The following GPC3 variants were observed in gnomAD, a reference collection of about 807,000 sequenced individuals.
GPC3 encodes glypican-3.
GPC3 carries 3 observed loss-of-function variants against 34.4 expected under a neutral mutation model. That is an observed-to-expected ratio of 0.09 (90% confidence interval 0.04 to 0.23). The LOEUF (loss-of-function observed/expected upper bound fraction) is 0.23. Among genes scored for constraint, GPC3 ranks in the 10% least tolerant of loss-of-function variants. GPC3 has a pLI of 1.00. For synonymous variants in GPC3, 177 were observed against 174.0 expected (o/e 1.02, Z -0.13); for missense variants, 351 against 445.6 (o/e 0.79, Z 1.91).
chrX:133,688,913 T>TTA (rs2071034820), intron 5 of GPC3, among the ~76,000 whole-genome samples: 1 of 111,501 alleles, frequency 9.0e-6, no homozygotes, highest in African/African-American at 3.3e-5. Flanking sequence ...GAACTTCATA[T>TTA]TATTAAAGGT....
At chrX:133,965,177 C>G (rs775954388) in intron 1 of GPC3, among the ~76,000 whole-genome samples, 1 of 109,608 alleles carries the variant, frequency 9.1e-6, no homozygotes, top group Non-Finnish European at 1.9e-5. Flanking sequence ...GTCACCCCCC[C>G]CCACCCCCAA....
At chrX:133,976,858 C>T (rs1193996773) in intron 1 of GPC3, among the ~76,000 whole-genome samples, 3 of 109,359 alleles carry the variant, frequency 2.7e-5, no homozygotes, top group African/African-American at 1.0e-4. Context: ...GCAGAGGTTG[C>T]ACTGAGCCGA....
chrX:133,865,925 T>C (rs934822096), intron 2 of GPC3, among the ~76,000 whole-genome samples: 5 of 112,329 alleles, frequency 4.5e-5, no homozygotes, highest in African/African-American at 1.6e-4. Context: ...CTCTTTAAAG[T>C]AACTATTACT....
chrX:133,793,049 A>T (rs759967418), intron 2 of GPC3, among the ~76,000 whole-genome samples: 2 of 110,631 alleles, frequency 1.8e-5, no homozygotes, highest in South Asian at 7.8e-4. Flanking sequence ...GTTTATGATT[A>T]TTCTGAATTA....
chrX:133,829,783 A>G (rs1002670121), intron 2 of GPC3, among the ~76,000 whole-genome samples: 1 of 112,010 alleles, frequency 8.9e-6, no homozygotes, highest in Non-Finnish European at 1.9e-5. Flanking sequence ...TAGACTACAG[A>G]GCAAAAAGAA....
intron 6 of GPC3, among the ~76,000 whole-genome samples, chrX:133,608,121 C>T (rs765809923): frequency 8.9e-6 from 1 of 112,561 alleles, no homozygotes; most frequent in South Asian, 3.7e-4. Context: ...TTGGCCTAGG[C>T]CCAAAAAGCT....
In GPC3 at chrX:133,905,715, T is replaced by TA. The variant is rs1268279902; in HGVS notation, c.337+47334dup. Among the ~76,000 whole-genome samples the TA allele has an allele frequency of 2.5e-4, 27 of 106,308 alleles. No homozygotes were observed. In the South Asian group the frequency reaches 8.5e-3, roughly 33 times the overall value. The allele number at this position is 106,308 out of a possible 115,157, so 92.3% of individuals were successfully genotyped here. A position where few individuals can be genotyped will look rare whatever the true frequency, so the allele number is the denominator to read the frequency against. On this transcript the variant is annotated intron_variant, in intron 2 of 7. Coordinates refer to ENST00000370818, the MANE Select transcript of GPC3 (RefSeq NM_004484.4). ...TTTTCATTTAGTGGGGATTTGGGGT[T>TA]AAAAAAAAAAGGATTTGACCAGTTC...
intron 3 of GPC3, among the ~76,000 whole-genome samples, chrX:133,746,220 T>A (rs1248783532): frequency 8.9e-6 from 1 of 112,159 alleles, no homozygotes; most frequent in East Asian, 2.8e-4. Context: ...TTGCTTGCAA[T>A]CAGGGTAAAA....
At chrX:133,575,196 A>G (rs1694716797) in intron 7 of GPC3, among the ~76,000 whole-genome samples, 1 of 112,174 alleles carries the variant, frequency 8.9e-6, no homozygotes, top group African/African-American at 3.2e-5. Flanking sequence ...TATATTACCA[A>G]TGTTCCATAG....
At chrX:133,732,133 G>A (rs1011480006) in intron 3 of GPC3, among the ~76,000 whole-genome samples, 4 of 111,196 alleles carry the variant, frequency 3.6e-5, no homozygotes, top group African/African-American at 1.3e-4. Context: ...TTAGATCCTG[G>A]GAAGACTGAT....
intron 7 of GPC3, among the ~76,000 whole-genome samples, chrX:133,545,571 G>A (rs1215145252): frequency 9.0e-6 from 1 of 111,337 alleles, no homozygotes. Context: ...TGGATTCTCT[G>A]AGAAGTCTGA....
At chrX:133,674,367 G>A (rs994213750) in intron 5 of GPC3, among the ~76,000 whole-genome samples, 5 of 111,427 alleles carry the variant, frequency 4.5e-5, no homozygotes, top group Admixed American at 9.5e-5. Flanking sequence ...TTTGGTCCTC[G>A]GTAAAGTATG....
In GPC3 at chrX:133,655,502, A is replaced by ACC. The variant is rs1338612710; in HGVS notation, c.1413+6227_1413+6228insGG. ...CACACACACACACACACACACACACACACCCACACACACACACACACACAC... is the reference window on the plus strand; with the variant it reads ...CACACACACACACACACACACACACACCCACCCACACACACACACACACACAC... On this transcript the variant is annotated intron_variant, in intron 6 of 7. Coordinates refer to ENST00000370818, the MANE Select transcript of GPC3 (RefSeq NM_004484.4). Among the ~76,000 whole-genome samples, 735 of 105,623 alleles carry ACC rather than the reference A, an allele frequency of 7.0e-3. 8 individuals carry two copies. Among genetic ancestry groups the ACC allele is most frequent in the African/African-American group, 0.025 (667 of 26,887 alleles). 91.7% of individuals were successfully genotyped at this position (105,623 alleles called of 115,157 possible).
At chrX:133,784,025 C>T (rs1026822575) in intron 2 of GPC3, among the ~76,000 whole-genome samples, 23 of 111,569 alleles carry the variant, frequency 2.1e-4, no homozygotes, top group Non-Finnish European at 3.8e-5. Flanking sequence ...ACTTCCTCCA[C>T]TTAGTTGAGC....
chrX:133,737,804 G>C (rs185676826), intron 3 of GPC3, among the ~76,000 whole-genome samples: 2 of 111,782 alleles, frequency 1.8e-5, no homozygotes, highest in African/African-American at 6.5e-5. Flanking sequence ...TAAGAAAATG[G>C]CAAATATATC....
At chrX:133,964,743 A>T (rs73568944) in intron 1 of GPC3, among the ~76,000 whole-genome samples, 195 of 111,969 alleles carry the variant, frequency 1.7e-3, no homozygotes, top group African/African-American at 6.0e-3. Context: ...CTTCTGATCC[A>T]GTGACTTGGG....
At chrX:133,687,021 GTTCACGC>G (rs1332050744) in intron 5 of GPC3, among the ~76,000 whole-genome samples, 1 of 108,421 alleles carries the variant, frequency 9.2e-6, no homozygotes, top group African/African-American at 3.4e-5. Context: ...TGCCTCCTGG[GTTCACGC>G]CATTCTCCTA....
chrX:133,968,598 A>G lies in GPC3; in HGVS notation c.176-15387T>C, dbSNP rs72615423. On this transcript the variant is annotated intron_variant, in intron 1 of 7. Coordinates refer to ENST00000370818, the MANE Select transcript of GPC3 (RefSeq NM_004484.4). ...GGATGTTGCCCATAAAGAGCTTAGC[A>G]CAGTGCCTGGCTCAATAAATGTTAA... Among the ~76,000 whole-genome samples the G allele has an allele frequency of 1.3e-3, 147 of 111,818 alleles. No individual in the cohort carries two copies. In the East Asian group the frequency reaches 0.035, roughly 27 times the overall value.
Position 133,580,296 on chromosome X carries a change from C to T in GPC3, c.1573+16144G>A, listed in dbSNP as rs116391326. Among the ~76,000 whole-genome samples, 280 of 111,772 alleles carry T rather than the reference C, an allele frequency of 2.5e-3. 4 individuals are homozygous for T. The highest frequency in any genetic ancestry group is 8.8e-3 in the African/African-American group (272 of 30,788). ...TTAAGTTGAACATGTTTCTAAACCC[C>T]TTGGAGGCACTGACCTTTAGCTGCT... On this transcript the variant is annotated intron_variant, in intron 7 of 7. Coordinates refer to ENST00000370818, the MANE Select transcript of GPC3 (RefSeq NM_004484.4).
Sources: gnomAD v4.1 joint callset for allele counts (sites outside exome capture counted in the v4.1 genomes callset) on GRCh38, gnomAD v4.1.1 for gene constraint, MANE v1.5 for transcripts, NCBI Gene and HGNC (gene_info 2026-07-23, HGNC 2026-07-21) for gene names.